Variants in AUTS2 observed in about 807,000 individuals in gnomAD.
AUTS2 encodes the protein activator of transcription and developmental regulator AUTS2.
A neutral mutation model predicts 112.4 loss-of-function variants in AUTS2; 17 were observed. That is an observed-to-expected ratio of 0.15 (90% CI 0.10 to 0.23). The LOEUF is 0.23. AUTS2 is among the 10% of genes least tolerant of loss of function. The probability of loss-of-function intolerance (pLI) is 1.00; values close to 1 mark genes in which losing one functional copy is unlikely to be tolerated. For synonymous variants in AUTS2, 751 were observed against 702.7 expected, an observed-to-expected ratio of 1.07 and a Z score of -1.09; for missense variants, 1,510 against 1,701.6, an observed-to-expected ratio of 0.89 and a Z score of 1.98.
rs1225736258 is a variant in AUTS2, at chr7:69,599,652, C to A, written c.-2C>A. 3.8e-6 allele frequency: 5 copies of A among 1,300,184 alleles called. No individual in the cohort carries two copies. Among genetic ancestry groups the A allele is most frequent in the Non-Finnish European group, 4.9e-6 (5 of 1,028,398 alleles). The allele number at this position is 1,300,184 out of a possible 1,614,324, so 80.5% of individuals were successfully genotyped here. ...GCGGGGAGACCCCGGCGCAGCAGAA[C>A]CATGGATGGCCCGACGCGGGGCCAT... On this transcript the variant is annotated 5_prime_UTR_variant, in exon 1 of 19. Transcript: ENST00000342771. This position sits in a 1 kb window ranked among gnomAD's most constrained non-coding sequence, Gnocchi z 7.0.
chr7:70,757,181 C>T (rs1789265732), intron 6 of AUTS2, among the ~76,000 whole-genome samples: 1 of 152,202 alleles, frequency 6.6e-6, no homozygotes, highest in Non-Finnish European at 1.5e-5. Flanking sequence ...TGAAGGTTTA[C>T]AAGCCCTGTA....
chr7:70,754,426 C>G (rs1300435809), intron 6 of AUTS2, among the ~76,000 whole-genome samples: 1 of 152,036 alleles, frequency 6.6e-6, no homozygotes, highest in Non-Finnish European at 1.5e-5. Context: ...GGAGTCAAGG[C>G]TGCAGTCTGC....
At chr7:69,713,096 T>A (rs1262362571) in intron 1 of AUTS2, among the ~76,000 whole-genome samples, 1 of 152,200 alleles carries the variant, frequency 6.6e-6, no homozygotes, top group Admixed American at 6.5e-5. Flanking sequence ...TCAAGAGCTT[T>A]TGTTTGTTTT....
rs569756834 is a variant in AUTS2, at chr7:69,632,564, CCCCCTCT to C, written c.309+32624_309+32630del. Among the ~76,000 whole-genome samples, 248 of 142,562 alleles carry C rather than the reference CCCCCTCT, an allele frequency of 1.7e-3. 3 individuals are homozygous for C. Among genetic ancestry groups the C allele is most frequent in the South Asian group, 2.8e-3 (11 of 3,952 alleles). The allele number at this position is 142,562 out of a possible 152,430, so 93.5% of individuals were successfully genotyped here. On this transcript the variant is annotated intron_variant, in intron 1 of 18. Coordinates refer to ENST00000342771, the MANE Select transcript of AUTS2 (RefSeq NM_015570.4). ...CTTCCATCCTGCCTCTCCTCTCCCTCCCCCTCTCCCCTCTCCCCTCTCCCCTCTGCCT... is the reference window on the plus strand; with the variant it reads ...CTTCCATCCTGCCTCTCCTCTCCCTCCCCCTCTCCCCTCTCCCCTCTGCCT...
At chr7:69,759,710 A>G (rs1788087654) in intron 1 of AUTS2, among the ~76,000 whole-genome samples, 1 of 132,342 alleles carries the variant, frequency 7.6e-6, no homozygotes, top group South Asian at 2.4e-4. Context: ...ACTGTATTAT[A>G]TAATATAGCT....
chr7:70,204,458 T>C (rs1405944985), intron 4 of AUTS2, among the ~76,000 whole-genome samples: 2 of 152,104 alleles, frequency 1.3e-5, no homozygotes, highest in African/African-American at 2.4e-5. Context: ...TCAGCTTTGA[T>C]TGAAAGAGAC....
chr7:70,373,346 A>C (rs1003218794), intron 4 of AUTS2, among the ~76,000 whole-genome samples: 1 of 152,128 alleles, frequency 6.6e-6, no homozygotes, highest in Non-Finnish European at 1.5e-5. Flanking sequence ...GATTAAATTG[A>C]ATTGGGTTTA....
At chr7:70,391,870 G>A (rs1793877777) in intron 4 of AUTS2, among the ~76,000 whole-genome samples, 1 of 152,076 alleles carries the variant, frequency 6.6e-6, no homozygotes, top group Non-Finnish European at 1.5e-5. Flanking sequence ...GGACCCCAGA[G>A]CTTGAGTTCT....
chr7:70,638,459 T>G (rs1178438821), intron 5 of AUTS2, among the ~76,000 whole-genome samples: 1 of 152,192 alleles, frequency 6.6e-6, no homozygotes, highest in African/African-American at 2.4e-5. Context: ...AAACTTTGCC[T>G]CATCAAGTCA....
intron 2 of AUTS2, among the ~76,000 whole-genome samples, chr7:69,977,230 T>C (rs1056711721): frequency 1.3e-5 from 2 of 152,220 alleles, no homozygotes; most frequent in Non-Finnish European, 2.9e-5. Flanking sequence ...TTGACACCTT[T>C]GTCAAAGATT....
chr7:69,674,703 C>T (rs929088810), intron 1 of AUTS2, among the ~76,000 whole-genome samples: 3 of 151,974 alleles, frequency 2.0e-5, no homozygotes, highest in Non-Finnish European at 2.9e-5. Context: ...ATCAAATAAC[C>T]GTGGCAGGCA....
intron 4 of AUTS2, among the ~76,000 whole-genome samples, chr7:70,368,703 C>T (rs1379793083): frequency 6.6e-6 from 1 of 151,986 alleles, no homozygotes; most frequent in African/African-American, 2.4e-5. Context: ...CCTCAGGAGG[C>T]CAAGAAAGTG....
At chr7:69,600,355 G>A (rs1416965121) in intron 1 of AUTS2, among the ~76,000 whole-genome samples, 1 of 151,890 alleles carries the variant, frequency 6.6e-6, no homozygotes, top group African/African-American at 2.4e-5. Context: ...TCTCTTTGCT[G>A]GGTTTGGGGC....
At chr7:70,541,466 G>C (rs895838005) in intron 5 of AUTS2, among the ~76,000 whole-genome samples, 2 of 152,190 alleles carry the variant, frequency 1.3e-5, no homozygotes, top group African/African-American at 4.8e-5. Context: ...GAACCTATGT[G>C]CAAACCACAT....
intron 9 of AUTS2, 36 bp from the exon 10 acceptor site, chr7:70,767,988 A>T (rs745762602): frequency 6.2e-7 from 1 of 1,607,660 alleles, no homozygotes; most frequent in Admixed American, 1.7e-5. Context: ...AAAAATGCAG[A>T]TTAAGTAACT....
intron 1 of AUTS2, among the ~76,000 whole-genome samples, chr7:69,852,543 C>G (rs1792532403): frequency 6.6e-6 from 1 of 152,122 alleles, no homozygotes. Context: ...ACCTCCGCCT[C>G]CTGGGCTCAA....
intron 5 of AUTS2, among the ~76,000 whole-genome samples, chr7:70,657,319 C>T (rs760601718): frequency 2.6e-4 from 40 of 151,976 alleles, no homozygotes; most frequent in Non-Finnish European, 5.3e-4. Flanking sequence ...TTATTTTTTC[C>T]GAAGAGGCAG....
chr7:70,365,956 C>T (rs993711980), intron 4 of AUTS2, among the ~76,000 whole-genome samples: 16 of 152,226 alleles, frequency 1.1e-4, no homozygotes, highest in Non-Finnish European at 1.2e-4. Flanking sequence ...CAAAGAGCCA[C>T]TGATTGGTTT....
chr7:70,000,865 AAAC>A (rs146194842), intron 2 of AUTS2, among the ~76,000 whole-genome samples: 7,802 of 152,108 alleles, frequency 0.051, 232 homozygotes, highest in Middle Eastern at 0.075. Flanking sequence ...GCCTCCTTTA[AAAC>A]AACAACAGAA....
Sources: gnomAD v4.1 joint callset for allele counts (sites outside exome capture counted in the v4.1 genomes callset) on GRCh38, gnomAD v4.1.1 for gene constraint, Gnocchi (gnomAD v3.1) non-coding constraint, MANE v1.5 for transcripts, NCBI Gene and HGNC (gene_info 2026-07-23, HGNC 2026-07-21) for gene names.